ABCB1: variants seen among roughly 807,000 people sequenced by gnomAD.
ABCB1 encodes the protein ATP-dependent translocase ABCB1.
Under a neutral mutation model 142.0 loss-of-function variants are expected in ABCB1, and 69 were observed. The observed-to-expected ratio is 0.49, with a 90% CI of 0.40 to 0.59. ABCB1 has a LOEUF of 0.59. Ranked by LOEUF, ABCB1 falls within the 20% of genes least tolerant of loss-of-function variation. ABCB1 has a pLI of 0.00. For missense variants in ABCB1, 1,326 were observed against 1,554.7 expected (o/e 0.85, Z 2.47); for synonymous variants, 532 against 539.2 (o/e 0.99, Z 0.18).
intron 20 of ABCB1, among the ~76,000 whole-genome samples, chr7:87,534,353 G>C (rs1226216326): frequency 6.6e-6 from 1 of 152,154 alleles, no homozygotes; most frequent in Non-Finnish European, 1.5e-5. Flanking sequence ...TTATTCCAAA[G>C]ACTAATGCTC....
chr7:87,579,527 G>A (rs930778007), intron 4 of ABCB1, among the ~76,000 whole-genome samples: 14 of 152,002 alleles, frequency 9.2e-5, no homozygotes, highest in Admixed American at 3.3e-4. Context: ...GTTTGCATAC[G>A]ATGAACAATC....
chr7:87,516,766 T>C, intron 23 of ABCB1, 101 bp from the exon 24 acceptor site: 1 of 1,278,840 alleles, frequency 7.8e-7, no homozygotes, highest in Non-Finnish European at 1.1e-6. Flanking sequence ...AGGTGGGGTC[T>C]TCCTGTGTTG....
chr7:87,564,458 C>T (rs1280555940), intron 7 of ABCB1, among the ~76,000 whole-genome samples: 1 of 152,018 alleles, frequency 6.6e-6, no homozygotes, highest in Non-Finnish European at 1.5e-5. Context: ...CTCTAGTGGC[C>T]CAGTGTCTCT....
chr7:87,513,298 A>T (rs1368648385), intron 25 of ABCB1, among the ~76,000 whole-genome samples: 1 of 152,116 alleles, frequency 6.6e-6, no homozygotes, highest in East Asian at 1.9e-4. Flanking sequence ...TCCCTTTATT[A>T]AATACTTATC....
chr7:87,536,609 C>A (rs561506121), intron 19 of ABCB1, 68 bp from the exon 20 acceptor site: 1 of 1,451,146 alleles, frequency 6.9e-7, no homozygotes, highest in Non-Finnish European at 9.7e-7. Flanking sequence ...AAGAGGGCAG[C>A]GATGGGGTCA....
At chr7:87,704,209 C>T (rs1295842920) in intron 1 of ABCB1, among the ~76,000 whole-genome samples, 2 of 152,078 alleles carry the variant, frequency 1.3e-5, no homozygotes, top group Admixed American at 6.5e-5. Flanking sequence ...GCATGAGCCA[C>T]AGCACCCAGC....
At chr7:87,659,836 A>G (rs577429797) in intron 1 of ABCB1, among the ~76,000 whole-genome samples, 213 of 152,262 alleles carry the variant, frequency 1.4e-3, no homozygotes, top group Middle Eastern at 3.4e-3. Context: ...TGTATTTAGC[A>G]GGAGGAAAAT....
At chr7:87,616,220 T>A (rs964934978) in intron 1 of ABCB1, among the ~76,000 whole-genome samples, 1 of 152,216 alleles carries the variant, frequency 6.6e-6, no homozygotes, top group Non-Finnish European at 1.5e-5. Context: ...TTCTGGGCTA[T>A]TGTTAGTTTG....
In ABCB1 at chr7:87,616,592, C is replaced by T. The variant is rs1238003184; in HGVS notation, c.-330-15514G>A. Among the ~76,000 whole-genome samples, 5 of 152,278 alleles carry T rather than the reference C, an allele frequency of 3.3e-5. No individual in the cohort carries two copies. The East Asian group carries it at 7.7e-4, about 24-fold the overall frequency. ...GCTACACATCATGCCCTAAGAGTTT[C>T]GTTTATGATCATGGTATCTCCCCAC... On this transcript the variant is annotated intron_variant, in intron 1 of 28. Coordinates refer to the ABCB1 transcript ENST00000265724.
intron 1 of ABCB1, among the ~76,000 whole-genome samples, chr7:87,670,903 C>A (rs1825762706): frequency 6.6e-6 from 1 of 152,188 alleles, no homozygotes; most frequent in Admixed American, 6.5e-5. Context: ...TTTCTCTCCC[C>A]CTTGAATGCT....
intron 1 of ABCB1, among the ~76,000 whole-genome samples, chr7:87,701,407 A>G (rs1464654206): frequency 2.0e-5 from 3 of 152,206 alleles, no homozygotes; most frequent in African/African-American, 7.2e-5. Context: ...GCTTCCCAAT[A>G]TAGAAAAGCT....
chr7:87,571,756 A>G (rs926604467), intron 4 of ABCB1, among the ~76,000 whole-genome samples: 2 of 152,204 alleles, frequency 1.3e-5, no homozygotes, highest in African/African-American at 4.8e-5. Flanking sequence ...AAGATGTCCA[A>G]TAAGTATTCA....
At chr7:87,562,044 A>C (rs1817580632) in intron 7 of ABCB1, among the ~76,000 whole-genome samples, 1 of 152,218 alleles carries the variant, frequency 6.6e-6, no homozygotes, top group African/African-American at 2.4e-5. Context: ...CTGATTAAAT[A>C]GAATTATATT....
chr7:87,674,798 C>A (rs181545444), intron 1 of ABCB1, among the ~76,000 whole-genome samples: 8 of 152,224 alleles, frequency 5.3e-5, no homozygotes, highest in Non-Finnish European at 8.8e-5. Context: ...GGCTAGCTGA[C>A]AGGAGGGTGC....
At chr7:87,510,579 C>T (rs1814963029) in intron 25 of ABCB1, among the ~76,000 whole-genome samples, 1 of 152,250 alleles carries the variant, frequency 6.6e-6, no homozygotes, top group African/African-American at 2.4e-5. Flanking sequence ...ACCAGTGACT[C>T]AGCTTTGAGC....
In ABCB1 at chr7:87,596,359, C is replaced by T. The variant is rs528654302; in HGVS notation, c.69-545G>A. On this transcript the variant is annotated intron_variant, in intron 2 of 27. Coordinates refer to ENST00000622132, the MANE Select transcript of ABCB1 (RefSeq NM_001348946.2). ...AGAAAATTAAATTACTCCTTATAAG[C>T]AAATCTAATTGTGAAAAAAATGTCT... 2.6e-5 allele frequency among the ~76,000 whole-genome samples: 4 copies of T among 152,094 alleles called. No homozygotes were observed. The East Asian group carries it at 7.7e-4, about 29-fold the overall frequency.
intron 1 of ABCB1, among the ~76,000 whole-genome samples, chr7:87,611,649 T>C (rs1819855266): frequency 6.6e-6 from 1 of 152,136 alleles, no homozygotes; most frequent in South Asian, 2.1e-4. Flanking sequence ...TGATTACATG[T>C]CTTTGCTAGA....
At chr7:87,530,552 A>C (rs994966590) in intron 21 of ABCB1, among the ~76,000 whole-genome samples, 4 of 152,070 alleles carry the variant, frequency 2.6e-5, no homozygotes, top group Non-Finnish European at 5.9e-5. Flanking sequence ...TTGTTAAATA[A>C]TGGGAAAAAA....
chr7:87,700,783 C>T (rs1282208348), intron 1 of ABCB1, among the ~76,000 whole-genome samples: 3 of 152,138 alleles, frequency 2.0e-5, no homozygotes, highest in Non-Finnish European at 4.4e-5. Context: ...TTAATGGGTA[C>T]AAAATGTCAA....
Sources: allele counts gnomAD v4.1 joint callset (sites outside exome capture counted in the v4.1 genomes callset), GRCh38; gene constraint gnomAD v4.1.1; transcripts MANE v1.5; gene names NCBI Gene and HGNC (gene_info 2026-07-23, HGNC 2026-07-21).